The following NDEL1 variants were observed in gnomAD, a reference collection of about 807,000 sequenced individuals.
NDEL1 encodes nuclear distribution protein nudE-like 1.
In NDEL1, 9 loss-of-function variants were observed where a neutral mutation model predicts 45.7. The ratio of observed to expected loss-of-function variants is 0.20; its 90% CI spans 0.12 to 0.34. NDEL1 has a LOEUF of 0.34. NDEL1 is among the 10% of genes least tolerant of loss of function. NDEL1 has a pLI of 1.00. For missense variants in NDEL1, 306 were observed against 406.2 expected, an observed-to-expected ratio of 0.75 and a Z score of 2.12; for synonymous variants, 133 against 158.6, an observed-to-expected ratio of 0.84 and a Z score of 1.21.
At chr17:8,416,899 G>A (rs1908558939) in intron 1 of NDEL1, among the ~76,000 whole-genome samples, 1 of 151,884 alleles carries the variant, frequency 6.6e-6, no homozygotes, top group African/African-American at 2.4e-5. Flanking sequence ...CAATTTAATG[G>A]TCATGCTCTT....
intron 5 of NDEL1, among the ~76,000 whole-genome samples, chr17:8,450,074 G>A (rs1353281977): frequency 6.6e-6 from 1 of 152,094 alleles, no homozygotes; most frequent in Non-Finnish European, 1.5e-5. Context: ...TTTGAGGTTA[G>A]GAGTTCGAGA....
chr17:8,451,612 C>CA (rs1231047238), intron 6 of NDEL1, among the ~76,000 whole-genome samples: 2 of 152,166 alleles, frequency 1.3e-5, no homozygotes. Flanking sequence ...ACAGAATACT[C>CA]ACATTGCCAT....
intron 3 of NDEL1, among the ~76,000 whole-genome samples, chr17:8,446,479 A>G (rs1910085522): frequency 6.6e-6 from 1 of 152,246 alleles, no homozygotes; most frequent in Non-Finnish European, 1.5e-5. Context: ...AGGTTTCCTT[A>G]ACAAGTTTGC....
chr17:8,460,873 A>G lies in NDEL1; in HGVS notation c.944+713A>G, dbSNP rs185888111. ...TTAAATATTGCTTTGCAGTGTGCCT[A>G]TCATGACTTCTATTGCCATTATCTT... On this transcript the variant is annotated intron_variant, in intron 8 of 8. Transcript: ENST00000334527. Among the ~76,000 whole-genome samples the G allele has an allele frequency of 5.9e-3, 902 of 152,324 alleles. 12 individuals carry two copies. Among genetic ancestry groups the G allele is most frequent in the African/African-American group, 0.02 (814 of 41,568 alleles).
At chr17:8,427,298 A>G (rs1908860725) in intron 1 of NDEL1, among the ~76,000 whole-genome samples, 1 of 152,270 alleles carries the variant, frequency 6.6e-6, no homozygotes, top group Non-Finnish European at 1.5e-5. Flanking sequence ...CCTTTGGGCT[A>G]TTCCTGGGTA....
rs1340806020 is a variant in NDEL1 at position 8,446,760 on chromosome 17, C to G, written c.247C>G (p.Leu83Val). ...CCTATACTGATGCCCTCAGGAGAAGCTAGAGCATCAATATGCACAGAGCTA... is the reference window on the plus strand; with the variant it reads ...CCTATACTGATGCCCTCAGGAGAAGGTAGAGCATCAATATGCACAGAGCTA... Reference protein sequence around the residue: ...KYEVEALKEKLEHQYAQSYKQ... With the variant: ...KYEVEALKEKVEHQYAQSYKQ... The change falls in exon 4 of 9, where the codon CTA becomes GTA. Residue 83 changes from leucine to valine, a missense_variant. Physicochemically the swap from Leu to Val is conservative, Grantham distance 32. This residue lies in a region of NDEL1 where 112 missense variants were observed against 148.3 expected (regional missense o/e 0.76). Transcript: ENST00000334527. 2 of 1,613,826 alleles carry G rather than the reference C, an allele frequency of 1.2e-6. No individual in the cohort carries two copies. Among genetic ancestry groups the G allele is most frequent in the African/African-American group, 2.7e-5 (2 of 74,844 alleles).
chr17:8,467,233 C>G lies in NDEL1; in HGVS notation c.*210C>G, dbSNP rs1045817508. 3 of 593,170 alleles carry G rather than the reference C, an allele frequency of 5.1e-6. No homozygotes were observed. In the South Asian group the frequency reaches 6.0e-5, roughly 12 times the overall value. The allele number at this position is 593,170 out of a possible 1,614,324, so 36.7% of individuals were successfully genotyped here. A position where few individuals can be genotyped will look rare whatever the true frequency, so the allele number is the denominator to read the frequency against. On this transcript the variant is annotated 3_prime_UTR_variant, in exon 9 of 9. Transcript: ENST00000334527. The surrounding 1 kb of genome is among the most constrained non-coding windows in gnomAD (Gnocchi z 6.3). The stretch of plus-strand genomic sequence containing the variant: ...AATACTGGCTATTTTCTCTTCTCGC[C>G]GTAGTGCCGTTGGTTTCACATGATT...
upstream of NDEL1, chr17:8,431,133 T>C (rs1908990757): frequency 1.3e-5 from 2 of 152,456 alleles, no homozygotes; most frequent in South Asian, 4.1e-4. Context: ...TCAGTGCGTT[T>C]CCCAGCACCT....
chr17:8,427,917 T>C (rs1008923492), intron 1 of NDEL1, among the ~76,000 whole-genome samples: 8 of 152,236 alleles, frequency 5.3e-5, no homozygotes, highest in Admixed American at 2.6e-4. Context: ...TGTACTTTTA[T>C]GTTCTTTTAA....
At chr17:8,472,976 T>C (rs1191059737), downstream of NDEL1, among the ~76,000 whole-genome samples, 1 of 152,206 alleles carries the variant, frequency 6.6e-6, no homozygotes, top group Non-Finnish European at 1.5e-5. Context: ...ACTGTCTTCC[T>C]TGTGCTCTGA....
chr17:8,444,444 C>G, intron 2 of NDEL1, 87 bp downstream of exon 2: 1 of 885,742 alleles, frequency 1.1e-6, no homozygotes, highest in Admixed American at 2.3e-5. Flanking sequence ...TAACATAAAG[C>G]TAAATTTAGA....
intron 7 of NDEL1, among the ~76,000 whole-genome samples, chr17:8,456,263 G>C (rs1417224821): frequency 6.6e-6 from 1 of 152,130 alleles, no homozygotes; most frequent in Non-Finnish European, 1.5e-5. Context: ...AAGTGCACAG[G>C]TCGTTCCTAC....
chr17:8,429,754 T>C (rs1908954665), intron 1 of NDEL1, among the ~76,000 whole-genome samples: 1 of 152,178 alleles, frequency 6.6e-6, no homozygotes, highest in African/African-American at 2.4e-5. Flanking sequence ...GAGACTACTT[T>C]GTTCCTTATC....
intron 2 of NDEL1, chr17:8,444,835 G>C (rs1909979335): frequency 6.6e-6 from 1 of 152,250 alleles, no homozygotes; most frequent in Admixed American, 6.5e-5. Context: ...TCAGTTATTT[G>C]GTTGGGAGAA....
intron 8 of NDEL1, among the ~76,000 whole-genome samples, chr17:8,462,519 A>C (rs1050800291): frequency 2.6e-5 from 4 of 152,106 alleles, no homozygotes; most frequent in Non-Finnish European, 5.9e-5. Flanking sequence ...AAAAACCAAG[A>C]TGTTGTGTAG....
At position 8,444,245 on chromosome 17, in the gene NDEL1, T is replaced by C; in HGVS notation, c.-12-15T>C. The C allele has an allele frequency of 6.6e-7, 1 of 1,526,260 alleles. No individual in the cohort carries two copies. The highest frequency in any genetic ancestry group is 9.1e-7 in the Non-Finnish European group (1 of 1,104,540). 94.5% of individuals were successfully genotyped at this position (1,526,260 alleles called of 1,614,324 possible). On this transcript the variant is annotated splice_polypyrimidine_tract_variant and intron_variant, in intron 1 of 8. Transcript: ENST00000334527. ...TGTTCTCTAATTTGTTAAGTTTGTC[T>C]TTAATATTTCACAGGCTTTCTTGAT... is the stretch of plus-strand genomic sequence containing the variant.
At chr17:8,432,974 C>T (rs1372178908), upstream of NDEL1, among the ~76,000 whole-genome samples, 1 of 152,184 alleles carries the variant, frequency 6.6e-6, no homozygotes, top group Non-Finnish European at 1.5e-5. Context: ...AAAATGGTTG[C>T]CATGATTTTT....
chr17:8,455,286 G>T (rs1344124665), intron 7 of NDEL1, among the ~76,000 whole-genome samples: 1 of 152,190 alleles, frequency 6.6e-6, no homozygotes, highest in Admixed American at 6.5e-5. Context: ...TTGGCTCATG[G>T]CATTACTCTC....
At chr17:8,446,977 C>T (rs1000031279) in intron 4 of NDEL1, 75 bp downstream of exon 4, 6 of 1,511,072 alleles carry the variant, frequency 4.0e-6, no homozygotes, top group Non-Finnish European at 5.4e-6. Flanking sequence ...TTAGGCTCTT[C>T]CCCTAGATCT....
Sources: allele counts gnomAD v4.1 joint callset (sites outside exome capture counted in the v4.1 genomes callset), GRCh38; gene constraint gnomAD v4.1.1; regional missense constraint gnomAD v4.1.1; non-coding constraint Gnocchi (gnomAD v3.1); transcripts MANE v1.5; gene names NCBI Gene and HGNC (gene_info 2026-07-23, HGNC 2026-07-21).